Variants in GLDC observed in about 807,000 individuals in gnomAD.
GLDC encodes glycine dehydrogenase (decarboxylating), mitochondrial.
In GLDC, 104 loss-of-function variants were observed where a neutral mutation model predicts 121.3. The ratio of observed to expected loss-of-function variants is 0.86; its 90% CI spans 0.73 to 1.01. The LOEUF (loss-of-function observed/expected upper bound fraction) is 1.01, where lower values mean the gene tolerates loss of function less well. GLDC is among the 50% of genes least tolerant of loss of function. The pLI is 0.00. For missense variants in GLDC, 1,429 were observed against 1,306.6 expected, an observed-to-expected ratio of 1.09 and a Z score of -1.44; for synonymous variants, 546 against 480.6, an observed-to-expected ratio of 1.14 and a Z score of -1.78.
chr9:6,614,327 T>C (rs1339163011), intron 3 of GLDC, among the ~76,000 whole-genome samples: 2 of 152,220 alleles, frequency 1.3e-5, no homozygotes, highest in African/African-American at 2.4e-5. Context: ...CTCCACCTCC[T>C]GGGCTCAAGC....
intron 15 of GLDC, among the ~76,000 whole-genome samples, chr9:6,569,867 T>G (rs1044770810): frequency 6.6e-6 from 1 of 151,876 alleles, no homozygotes; most frequent in African/African-American, 2.4e-5. Context: ...TCCCAGCTAC[T>G]TGGGAGGCTG....
At chr9:6,620,729 G>T (rs564680518) in intron 2 of GLDC, among the ~76,000 whole-genome samples, 40 of 152,274 alleles carry the variant, frequency 2.6e-4, no homozygotes, top group African/African-American at 8.2e-4. Flanking sequence ...CTGGAAGTAG[G>T]CACAGCTTCA....
At chr9:6,640,386 G>A (rs539431790) in intron 2 of GLDC, among the ~76,000 whole-genome samples, 3 of 152,242 alleles carry the variant, frequency 2.0e-5, no homozygotes, top group Admixed American at 6.5e-5. Context: ...GACAAGTCGT[G>A]GCCTCGGCCT....
intron 2 of GLDC, among the ~76,000 whole-genome samples, chr9:6,634,559 CA>C (rs57883473): frequency 0.55 from 79,812 of 146,098 alleles, 21,671 homozygotes; most frequent in East Asian, 0.7. Flanking sequence ...AAACAAAAAA[CA>C]AAAAAAAAAC....
chr9:6,601,482 G>T (rs1334321218), intron 8 of GLDC, among the ~76,000 whole-genome samples: 3 of 152,322 alleles, frequency 2.0e-5, no homozygotes, highest in African/African-American at 4.8e-5. Context: ...AGGATCTGAA[G>T]ATGTGATTAT....
intron 15 of GLDC, chr9:6,566,452 T>C (rs1210078707): frequency 6.6e-6 from 1 of 152,170 alleles, no homozygotes; most frequent in Non-Finnish European, 1.5e-5. Context: ...AAGGGCCTGA[T>C]CAGCCCCAAA....
At chr9:6,574,462 G>C (rs58478585) in intron 15 of GLDC, among the ~76,000 whole-genome samples, 4 of 145,812 alleles carry the variant, frequency 2.7e-5, no homozygotes, top group Non-Finnish European at 6.0e-5. Context: ...GCAAGACTCC[G>C]TCTCAAAAAA....
chr9:6,563,274 G>C (rs1376815305), intron 16 of GLDC, among the ~76,000 whole-genome samples: 1 of 152,198 alleles, frequency 6.6e-6, no homozygotes, highest in Non-Finnish European at 1.5e-5. Context: ...TGGGAAATTT[G>C]GGAAATGGCG....
intron 3 of GLDC, among the ~76,000 whole-genome samples, chr9:6,612,690 C>T (rs992151392): frequency 1.3e-5 from 2 of 152,094 alleles, no homozygotes; most frequent in East Asian, 1.9e-4. Flanking sequence ...GGTGAAACCC[C>T]GTCTCTACTA....
At chr9:6,597,200 G>C (rs1818508399) in intron 8 of GLDC, among the ~76,000 whole-genome samples, 1 of 152,196 alleles carries the variant, frequency 6.6e-6, no homozygotes, top group Non-Finnish European at 1.5e-5. Context: ...AATAGTAGTT[G>C]CCAGGGGCTA....
At chr9:6,641,510 G>C (rs1032142750) in intron 2 of GLDC, among the ~76,000 whole-genome samples, 2 of 152,208 alleles carry the variant, frequency 1.3e-5, no homozygotes, top group African/African-American at 2.4e-5. Flanking sequence ...GTAGTGGATG[G>C]AGTGTGGACA....
chr9:6,602,151 G>A lies in GLDC; in HGVS notation c.1113C>T (p.His371=), dbSNP rs1587958002. 6.2e-7 allele frequency: 1 copy of A among 1,613,506 alleles called. No individual in the cohort carries two copies. The highest frequency in any genetic ancestry group is 8.5e-7 in the Non-Finnish European group (1 of 1,179,464). The part of the protein sequence containing the change: ...YRLALQTREQ[H]IRRDKATSNI... ...TGCTGGTAGCCTTGTCTCTCCGAAT[G>A]TGTTGCTCCCTGGTTTGAAGAGCAA... Residue 371 remains histidine (H), a synonymous_variant, in exon 8 of 25, where the codon CAC becomes CAT. Transcript: ENST00000321612.
chr9:6,619,508 ACC>A (rs1366096549), intron 3 of GLDC, among the ~76,000 whole-genome samples: 15 of 152,044 alleles, frequency 9.9e-5, no homozygotes, highest in African/African-American at 3.4e-4. Flanking sequence ...CGGGCGGATC[ACC>A]TGAGGTCAGG....
chr9:6,588,493 A>T, intron 13 of GLDC, 51 bp from the exon 14 acceptor site: 1 of 1,516,602 alleles, frequency 6.6e-7, no homozygotes, highest in Non-Finnish European at 9.2e-7. Flanking sequence ...TCTATAGTCC[A>T]TCAATCAACC....
At chr9:6,555,930 A>G (rs561831294) in intron 18 of GLDC, among the ~76,000 whole-genome samples, 1 of 152,324 alleles carries the variant, frequency 6.6e-6, no homozygotes, top group African/African-American at 2.4e-5. Flanking sequence ...CTGTCCCCCA[A>G]GTAATCAGGA....
intron 15 of GLDC, among the ~76,000 whole-genome samples, chr9:6,568,198 C>G (rs996633979): frequency 2.6e-5 from 4 of 152,194 alleles, no homozygotes; most frequent in Non-Finnish European, 5.9e-5. Flanking sequence ...ATTTCTCTCT[C>G]TCTCTCTCTC....
chr9:6,623,610 A>T (rs1194081280), intron 2 of GLDC, among the ~76,000 whole-genome samples: 1 of 152,036 alleles, frequency 6.6e-6, no homozygotes, highest in Admixed American at 6.6e-5. Context: ...AAGAATGATC[A>T]ATAAAAAAAA....
chr9:6,553,493 G>C lies in GLDC; in HGVS notation c.2332C>G (p.Pro778Ala), dbSNP rs1476838990. 1.1e-5 allele frequency: 17 copies of C among 1,612,654 alleles called. 1 individual carries two copies. Among genetic ancestry groups the C allele is most frequent in the African/African-American group, 1.3e-5 (1 of 74,640 alleles). ...GPIGVKKHLAPFLPNHPVISL... is the reference protein window; with the variant it reads ...GPIGVKKHLAAFLPNHPVISL... The stretch of plus-strand genomic sequence containing the variant: ...ATGACGGGATGATTGGGCAAAAACG[G>C]GGCGAGATGTTTCTTCCTGTATTTT... The change falls in exon 20 of 25, where the codon CCG (proline) becomes GCG (alanine). Residue 778 changes from proline to alanine, a missense_variant. Transcript: ENST00000321612.
In GLDC at chr9:6,542,621, C is replaced by T. The variant is rs960501181; in HGVS notation, c.2570-2475G>A. On this transcript the variant is annotated intron_variant, in intron 21 of 24. Transcript: ENST00000321612. ...GAAAATTCAGCCGGGCATGGTAGCT[C>T]ACACTTGTAATCCCAGCATTTCAGG... Among the ~76,000 whole-genome samples the T allele has an allele frequency of 2.0e-5, 3 of 151,874 alleles. No individual in the cohort carries two copies. In the South Asian group the frequency reaches 6.3e-4, roughly 32 times the overall value.
Sources: allele counts gnomAD v4.1 joint callset (sites outside exome capture counted in the v4.1 genomes callset), GRCh38; gene constraint gnomAD v4.1.1; transcripts MANE v1.5; gene names NCBI Gene and HGNC (gene_info 2026-07-23, HGNC 2026-07-21).